COL4A4: variants seen among roughly 807,000 people sequenced by gnomAD.
COL4A4 encodes collagen type IV alpha 4 chain.
In COL4A4, 105 loss-of-function variants were observed where a neutral mutation model predicts 192.9. The ratio of observed to expected loss-of-function variants is 0.54; its 90% confidence interval spans 0.46 to 0.64. COL4A4 has a LOEUF of 0.64. Among genes scored for constraint, COL4A4 ranks in the 30% least tolerant of loss-of-function variants. The pLI, the probability that COL4A4 is intolerant of heterozygous loss-of-function variation, is 0.00. For missense variants in COL4A4, 1,967 were observed against 2,169.3 expected (o/e 0.91, Z 1.85); for synonymous variants, 762 against 769.9 (o/e 0.99, Z 0.17).
rs529229503 is a variant in COL4A4 at position 227,022,361 on chromosome 2, T to C, written c.4091-188A>G. The C allele has an allele frequency of 1.0e-4, 88 of 849,052 alleles. No individual in the cohort carries two copies. The South Asian group carries it at 1.1e-3, about 11-fold the overall frequency. The allele number at this position is 849,052 out of a possible 1,614,324, so 52.6% of individuals were successfully genotyped here. ...TAAGTTCCATGAAGGCAGAAATTTGTCTTATGCCCTGGAGGGTACATGAAA... is the reference window on the plus strand; with the variant it reads ...TAAGTTCCATGAAGGCAGAAATTTGCCTTATGCCCTGGAGGGTACATGAAA... On this transcript the variant is annotated intron_variant, in intron 43 of 47. Coordinates refer to ENST00000396625, the MANE Select transcript of COL4A4 (RefSeq NM_000092.5).
chr2:227,007,396 C>G lies in COL4A4; in HGVS notation c.5002G>C (p.Asp1668His), dbSNP rs778411061. ...DLQFSSAPAP[D>H]TLKESQAQRQ... ...TGGGCCTGGCTTTCTTTTAAGGTGT[C>G]TGGTGCTGGAGCAGAGGAAAACTGC... Residue 1668 changes from aspartate to histidine, a missense_variant, in exon 48 of 48, where the codon GAC becomes CAC. Transcript: ENST00000396625. 1 of 1,614,248 alleles carries G rather than the reference C, an allele frequency of 6.2e-7. No individual in the cohort carries two copies. Among genetic ancestry groups the G allele is most frequent in the Non-Finnish European group, 8.5e-7 (1 of 1,180,046 alleles).
In COL4A4 at chr2:227,112,800, T is replaced by A. The variant is rs552424957; in HGVS notation, c.559-1087A>T. The stretch of plus-strand genomic sequence containing the variant: ...GTATGAATTTGACTATTTTTCTATA[T>A]AAGTGAAATCATATGATATTTGACT... On this transcript the variant is annotated intron_variant, in intron 8 of 47. Coordinates refer to ENST00000396625, the MANE Select transcript of COL4A4 (RefSeq NM_000092.5). 2.6e-5 allele frequency among the ~76,000 whole-genome samples: 4 copies of A among 152,380 alleles called. No homozygotes were observed. In the East Asian group the frequency reaches 5.8e-4, roughly 22 times the overall value.
At chr2:227,045,854 A>AG (rs1346086230) in intron 35 of COL4A4, among the ~76,000 whole-genome samples, 1,449 of 87,358 alleles carry the variant, frequency 0.017, 167 homozygotes, top group African/African-American at 0.034. Context: ...ATATACACAT[A>AG]TATATATACA....
At chr2:226,984,095 G>A in the COL4A4 span, among the ~76,000 whole-genome samples, 3 of 152,198 alleles carry the variant, frequency 2.0e-5, no homozygotes, top group Admixed American at 6.5e-5. Flanking sequence ...CAAGAAAGAT[G>A]TGCTTTCTTC....
At chr2:227,118,336 T>C (rs1438528668) in intron 7 of COL4A4, among the ~76,000 whole-genome samples, 2 of 152,178 alleles carry the variant, frequency 1.3e-5, no homozygotes, top group Non-Finnish European at 2.9e-5. Context: ...CCCTACTATC[T>C]ATTCTCTTCA....
intron 4 of COL4A4, among the ~76,000 whole-genome samples, chr2:227,130,451 C>T (rs2062377434): frequency 6.6e-6 from 1 of 152,196 alleles, no homozygotes; most frequent in South Asian, 2.1e-4. Flanking sequence ...CTAGCTCTAA[C>T]CCACTCAACT....
chr2:227,031,889 G>C (rs1968495431), intron 40 of COL4A4, 56 bp downstream of exon 40: 1 of 1,249,522 alleles, frequency 8.0e-7, no homozygotes, highest in African/African-American at 1.5e-5. Context: ...TTCCTCCAGA[G>C]CTGGCAGCAT....
chr2:227,008,482 C>T (rs568695743), intron 46 of COL4A4, among the ~76,000 whole-genome samples, 178 bp from the exon 47 acceptor site: 2 of 152,290 alleles, frequency 1.3e-5, no homozygotes, highest in Admixed American at 1.3e-4. Context: ...TGTGGGCCAG[C>T]CCTCATCCCC....
intron 7 of COL4A4, among the ~76,000 whole-genome samples, chr2:227,117,780 A>G (rs1225883162): frequency 1.3e-5 from 2 of 148,500 alleles, no homozygotes; most frequent in East Asian, 2.0e-4. Flanking sequence ...TGTTTAAATG[A>G]AAGTCCAAAA....
rs1264395139 is a variant in COL4A4 at position 227,137,246 on chromosome 2, A to G, written c.192+2915T>C. On this transcript the variant is annotated intron_variant, in intron 4 of 47. Coordinates refer to ENST00000396625, the MANE Select transcript of COL4A4 (RefSeq NM_000092.5). ...TGCGCTTGTTTAACAGCCCAAGGAC[A>G]TAGAAGAGAAGGACCAATGGGGGTA... is the stretch of plus-strand genomic sequence containing the variant. Among the ~76,000 whole-genome samples the G allele has an allele frequency of 2.0e-5, 3 of 152,178 alleles. No homozygotes were observed. In the South Asian group the frequency reaches 6.2e-4, roughly 32 times the overall value.
rs1197448985 is a variant in COL4A4 at position 227,080,335 on chromosome 2, T to C, written c.1803+108A>G. 15 of 1,012,050 alleles carry C rather than the reference T, an allele frequency of 1.5e-5. No individual in the cohort carries two copies. The South Asian group carries it at 1.5e-4, about 10-fold the overall frequency. The allele number at this position is 1,012,050 out of a possible 1,614,324, so 62.7% of individuals were successfully genotyped here. A position where few individuals can be genotyped will look rare whatever the true frequency, so the allele number is the denominator to read the frequency against. On this transcript the variant is annotated intron_variant, in intron 24 of 47. Coordinates refer to ENST00000396625, the MANE Select transcript of COL4A4 (RefSeq NM_000092.5). ...AAAAGTGACTCTGATTTATAGTATGTTGATATTTTACTGAATTTCAGCTTG... is the reference window on the plus strand; with the variant it reads ...AAAAGTGACTCTGATTTATAGTATGCTGATATTTTACTGAATTTCAGCTTG...
chr2:226,999,794 A>C (rs1960473729), downstream of COL4A4, among the ~76,000 whole-genome samples: 1 of 152,144 alleles, frequency 6.6e-6, no homozygotes, highest in African/African-American at 2.4e-5. Flanking sequence ...CCTAGAAACA[A>C]CACTTCTGCT....
chr2:227,043,604 C>A (rs1971882997), intron 35 of COL4A4, among the ~76,000 whole-genome samples: 1 of 152,146 alleles, frequency 6.6e-6, no homozygotes, highest in Non-Finnish European at 1.5e-5. Context: ...ATCCATAATG[C>A]TCTTTATATC....
At chr2:226,977,620 G>A in the COL4A4 span, among the ~76,000 whole-genome samples, 1 of 152,166 alleles carries the variant, frequency 6.6e-6, no homozygotes, top group Non-Finnish European at 1.5e-5. Flanking sequence ...ACGCTGCACA[G>A]GGAGAAGCAT....
In COL4A4 at chr2:227,077,914, T is replaced by C. The variant is rs1387537859; in HGVS notation, c.1967A>G (p.Asp656Gly). 1.9e-6 allele frequency: 3 copies of C among 1,613,390 alleles called. No individual in the cohort carries two copies. The East Asian group carries it at 6.7e-5, about 36-fold the overall frequency. ...VPGHPGVRGP[D>G]GLKGQKGDTI... ...ATTACCTTTCTGACCCTTCAAGCCA[T>C]CAGGGCCCCTCACACCTGGGTGGCC... The change falls in exon 25 of 48, where the codon GAT (aspartate) becomes GGT (glycine). Residue 656 changes from aspartate (D) to glycine (G), a missense_variant. Physicochemically the swap from Asp to Gly is moderately conservative, Grantham distance 94. Transcript: ENST00000396625.
At chr2:227,146,069 T>C (rs1247075172) in intron 2 of COL4A4, among the ~76,000 whole-genome samples, 1 of 152,228 alleles carries the variant, frequency 6.6e-6, no homozygotes, top group Non-Finnish European at 1.5e-5. Context: ...CTCTATATAA[T>C]CTCATCAAGG....
chr2:226,979,926 T>A, the COL4A4 span, among the ~76,000 whole-genome samples: 1 of 152,070 alleles, frequency 6.6e-6, no homozygotes, highest in South Asian at 2.1e-4. Flanking sequence ...AATGGACAAA[T>A]TTGGGAATGT....
intron 25 of COL4A4, among the ~76,000 whole-genome samples, chr2:227,077,288 A>G (rs1472138249): frequency 6.6e-6 from 1 of 152,216 alleles, no homozygotes; most frequent in Non-Finnish European, 1.5e-5. Flanking sequence ...GCATATATAC[A>G]CCATGGTATA....
chr2:227,075,256 A>G (rs1209981431), intron 25 of COL4A4, among the ~76,000 whole-genome samples: 2 of 152,202 alleles, frequency 1.3e-5, no homozygotes, highest in Non-Finnish European at 2.9e-5. Context: ...CCTCAATAAA[A>G]TACTGGCAAA....
Sources: allele counts gnomAD v4.1 joint callset (sites outside exome capture counted in the v4.1 genomes callset), GRCh38; gene constraint gnomAD v4.1.1; transcripts MANE v1.5; gene names NCBI Gene and HGNC (gene_info 2026-07-23, HGNC 2026-07-21).